Variants in USP40 observed in about 807,000 individuals in gnomAD.
The protein encoded by USP40 is ubiquitin specific peptidase 40.
In USP40, 143 loss-of-function variants were observed where a neutral mutation model predicts 166.2. The ratio of observed to expected loss-of-function variants is 0.86; its 90% CI spans 0.75 to 0.99. The LOEUF (loss-of-function observed/expected upper bound fraction) is 0.99, where lower values mean the gene tolerates loss of function less well. Among genes scored for constraint, USP40 ranks in the 50% least tolerant of loss-of-function variants. The pLI is 0.00. For missense variants in USP40, 1,444 were observed against 1,479.7 expected (o/e 0.98, Z 0.40); for synonymous variants, 498 against 524.0 (o/e 0.95, Z 0.68).
Position 233,493,603 on chromosome 2 carries a change from TCTA to T in USP40, c.2791-55_2791-53del, listed in dbSNP as rs2065488268. The T allele has an allele frequency of 2.6e-6, 4 of 1,527,830 alleles. No individual in the cohort carries two copies. The highest frequency in any genetic ancestry group is 1.3e-5 in the South Asian group (1 of 79,356). 94.6% of individuals were successfully genotyped at this position (1,527,830 alleles called of 1,614,324 possible). A position where few individuals can be genotyped will look rare whatever the true frequency, so the allele number is the denominator to read the frequency against. ...TGTGATTACAAAGATTAAGTGAAACTCTACTTTTACTTCCATAGAAAGAAACAC... is the reference window on the plus strand; with the variant it reads ...TGTGATTACAAAGATTAAGTGAAACTCTTTTACTTCCATAGAAAGAAACAC... On this transcript the variant is annotated intron_variant, in intron 24 of 31. Transcript: ENST00000678225. The surrounding 1 kb of genome is among the most constrained non-coding windows in gnomAD (Gnocchi z 4.7).
At position 233,477,444 on chromosome 2, in the gene USP40, C is replaced by G; in HGVS notation, c.3659G>C (p.Arg1220Pro). ...YILSSAETPARPRAPETSLSI... is the reference protein window; with the variant it reads ...YILSSAETPAPPRAPETSLSI... The stretch of plus-strand genomic sequence containing the variant: ...GAGAGAAGTTTCCGGGGCTCGGGGC[C>G]GGGCAGGCGTCTCTGCACTGGAGAG... Residue 1220 changes from arginine to proline, a missense_variant, in exon 32 of 32, where the codon CGG (arginine) becomes CCG (proline). Transcript: ENST00000678225. The G allele has an allele frequency of 2.5e-6, 4 of 1,613,800 alleles. No homozygotes were observed. Among genetic ancestry groups the G allele is most frequent in the Non-Finnish European group, 3.4e-6 (4 of 1,179,880 alleles).
At position 233,557,515 on chromosome 2, in the gene USP40, C is replaced by T. The variant is rs2071204821; in HGVS notation, c.382-496G>A. On this transcript the variant is annotated intron_variant, in intron 4 of 31. Coordinates refer to ENST00000678225, the MANE Select transcript of USP40 (RefSeq NM_001365479.2). ...TACTGAGAAAAAAATCCTGATGGAA[C>T]TTGCTTTAATCCATTATGAGTCACG... 2.0e-5 allele frequency among the ~76,000 whole-genome samples: 3 copies of T among 152,234 alleles called. No individual in the cohort carries two copies. The South Asian group carries it at 6.2e-4, about 31-fold the overall frequency.
At chr2:233,509,920 T>C in intron 21 of USP40, 129 bp downstream of exon 21, 1 of 629,848 alleles carries the variant, frequency 1.6e-6, no homozygotes, top group Non-Finnish European at 2.8e-6. Flanking sequence ...TGAGTACATA[T>C]AATTCTCTGA....
intron 24 of USP40, among the ~76,000 whole-genome samples, chr2:233,496,016 T>A (rs150447839): frequency 1.6e-4 from 24 of 152,274 alleles, no homozygotes; most frequent in African/African-American, 5.8e-4. Context: ...CAAACAAATA[T>A]GTGTAATGTT....
chr2:233,481,446 T>A, intron 30 of USP40, 149 bp from the exon 31 acceptor site: 1 of 707,648 alleles, frequency 1.4e-6, no homozygotes, highest in Non-Finnish European at 2.3e-6. Flanking sequence ...AAAAAAATCC[T>A]CTTGCTCGAT....
chr2:233,523,327 C>G lies in USP40; in HGVS notation c.2044G>C (p.Ala682Pro). 2 of 1,614,034 alleles carry G rather than the reference C, an allele frequency of 1.2e-6. No homozygotes were observed. Among genetic ancestry groups the G allele is most frequent in the African/African-American group, 1.3e-5 (1 of 75,052 alleles). ...AEVGTVLTAL[A>P]IPAGVIFINS... ...ATGAAGATGACACCTGCTGGGATTG[C>G]TAAGGCTGTGAGGACAGTGCCCACT... is the stretch of plus-strand genomic sequence containing the variant. The change falls in exon 16 of 32, where the codon GCA becomes CCA. Residue 682 changes from alanine to proline, a missense_variant. By Grantham distance (27) the Ala-to-Pro change is conservative (BLOSUM62 -1). Coordinates refer to ENST00000678225, the MANE Select transcript of USP40 (RefSeq NM_001365479.2).
rs575327136 is a variant in USP40 at position 233,482,595 on chromosome 2, G to GT, written c.3505-1299dup. 7.3e-3 allele frequency among the ~76,000 whole-genome samples: 896 copies of GT among 123,178 alleles called. 8 individuals carry two copies. Among genetic ancestry groups the GT allele is most frequent in the East Asian group, 0.071 (301 of 4,236 alleles). The allele number at this position is 123,178 out of a possible 152,430, so 80.8% of individuals were successfully genotyped here. ...GTTCCCACTGGAGTTTTTTTTTTTT[G>GT]TTTTTTTTTTTTTGACACACGGTCT... On this transcript the variant is annotated intron_variant, in intron 30 of 31. Transcript: ENST00000678225.
chr2:233,520,637 A>G (rs188784524), intron 17 of USP40, among the ~76,000 whole-genome samples: 12 of 152,210 alleles, frequency 7.9e-5, no homozygotes, highest in Admixed American at 5.2e-4. Flanking sequence ...ACCAAAACAT[A>G]TGTATACTTG....
At chr2:233,560,910 G>T (rs1464216197) in intron 3 of USP40, 2 of 629,980 alleles carry the variant, frequency 3.2e-6, no homozygotes, top group Admixed American at 5.6e-5. Flanking sequence ...TTCACCAGAA[G>T]AAAGAATAAG....
rs775953964 is a variant in USP40, at chr2:233,485,735, C to G, written c.3408+32G>C. On this transcript the variant is annotated intron_variant, in intron 29 of 31. Coordinates refer to ENST00000678225, the MANE Select transcript of USP40 (RefSeq NM_001365479.2). The stretch of plus-strand genomic sequence containing the variant: ...AACCTCATTGCTATGCCGGTAAGCC[C>G]CAATTTCTCTGAGACAGCCCCACAA... The G allele has an allele frequency of 6.2e-6, 10 of 1,610,176 alleles. No homozygotes were observed. The Admixed American group carries it at 1.7e-4, about 27-fold the overall frequency.
At position 233,512,602 on chromosome 2, in the gene USP40, G is replaced by T; in HGVS notation, c.2404C>A (p.Pro802Thr). 6.3e-7 allele frequency: 1 copy of T among 1,578,770 alleles called. No homozygotes were observed. The highest frequency in any genetic ancestry group is 1.2e-5 in the South Asian group (1 of 84,198). ...AGAAGCTTCCCATTTCTATCAATAG[G>T]TCTCAAACAGCTGTTGTCAGCTATA... is the stretch of plus-strand genomic sequence containing the variant. ...KELADNSCLR[P>T]IDRNGKLLCP... Residue 802 changes from proline to threonine, a missense_variant, in exon 19 of 32, where the codon CCT becomes ACT. Physicochemically the swap from Pro to Thr is conservative, Grantham distance 38. Transcript: ENST00000678225.
rs1007367732 is a variant in USP40 at position 233,559,819 on chromosome 2, T to A, written c.373A>T (p.Ser125Cys). ...ADLTDSFGWT[S>C]NEEMRQHDVQ... ...AGAGCTGATCCTCGTACCTCATTACTGGTCCACCCAAAGCTGTCAGTGAGG... is the reference window on the plus strand; with the variant it reads ...AGAGCTGATCCTCGTACCTCATTACAGGTCCACCCAAAGCTGTCAGTGAGG... The change falls in exon 4 of 32, where the codon AGT becomes TGT. Residue 125 changes from serine (S) to cysteine (C), a missense_variant. Physicochemically the swap from Ser to Cys is moderately radical, Grantham distance 112 (BLOSUM62 -1). Coordinates refer to ENST00000678225, the MANE Select transcript of USP40 (RefSeq NM_001365479.2). The A allele has an allele frequency of 6.2e-7, 1 of 1,606,392 alleles. No individual in the cohort carries two copies. Among genetic ancestry groups the A allele is most frequent in the South Asian group, 1.1e-5 (1 of 88,950 alleles).
At position 233,565,457 on chromosome 2, in the gene USP40, G is replaced by A; in HGVS notation, c.98C>T (p.Ala33Val). Residue 33 changes from alanine to valine, a missense_variant, in exon 2 of 32, where the codon GCT (alanine) becomes GTT (valine). Coordinates refer to ENST00000678225, the MANE Select transcript of USP40 (RefSeq NM_001365479.2). ...GCTTAAATTGGTGAATTCTCTAGGA[G>A]CAGGTGGCTCCAAAGCTTTAGTCTT... The part of the protein sequence containing the change: ...KLKTKALEPP[A>V]PREFTNLSGI... The A allele has an allele frequency of 6.5e-7, 1 of 1,537,268 alleles. No individual in the cohort carries two copies. The highest frequency in any genetic ancestry group is 8.7e-7 in the Non-Finnish European group (1 of 1,146,866).
intron 10 of USP40, among the ~76,000 whole-genome samples, chr2:233,538,482 T>C (rs1231813762): frequency 6.6e-6 from 1 of 151,934 alleles, no homozygotes; most frequent in Non-Finnish European, 1.5e-5. Context: ...ATATCAGAAA[T>C]GAAAAAGGAA....
At chr2:233,536,742 A>G (rs1415763823) in intron 10 of USP40, among the ~76,000 whole-genome samples, 2 of 152,204 alleles carry the variant, frequency 1.3e-5, no homozygotes, top group Non-Finnish European at 2.9e-5. Context: ...CAGTATCTGC[A>G]GTTTCCAAAT....
At chr2:233,536,076 G>C (rs1025745874) in intron 10 of USP40, among the ~76,000 whole-genome samples, 37 of 151,916 alleles carry the variant, frequency 2.4e-4, no homozygotes, top group African/African-American at 8.7e-4. Flanking sequence ...CAAAGAAACA[G>C]GACAATGTTA....
chr2:233,503,742 T>C (rs2066230869), intron 21 of USP40, among the ~76,000 whole-genome samples: 1 of 152,172 alleles, frequency 6.6e-6, no homozygotes, highest in South Asian at 2.1e-4. Context: ...TTATCACCAC[T>C]AGACCAATCT....
chr2:233,503,014 C>T (rs1320104326), intron 21 of USP40, among the ~76,000 whole-genome samples: 2 of 152,114 alleles, frequency 1.3e-5, no homozygotes, highest in African/African-American at 4.8e-5. Context: ...CAGTAAGTCT[C>T]CAGTAACAAA....
At position 233,477,411 on chromosome 2, in the gene USP40, T is replaced by C. The variant is rs2064235500; in HGVS notation, c.3692A>G (p.His1231Arg). 2.5e-6 allele frequency: 4 copies of C among 1,613,550 alleles called. No homozygotes were observed. In the South Asian group the frequency reaches 4.4e-5, roughly 18 times the overall value. The change falls in exon 32 of 32, where the codon CAC becomes CGC. Residue 1231 changes from histidine to arginine, a missense_variant. Physicochemically the swap from His to Arg is conservative, Grantham distance 29 (BLOSUM62 0). Coordinates refer to ENST00000678225, the MANE Select transcript of USP40 (RefSeq NM_001365479.2). The stretch of plus-strand genomic sequence containing the variant: ...GCGCGGTTATCTGAAGCTCCCCACG[T>C]GGATGGAGAGAGAAGTTTCCGGGGC... ...PRAPETSLSI[H>R]VGSFR
Sources: allele counts gnomAD v4.1 joint callset (sites outside exome capture counted in the v4.1 genomes callset), GRCh38; gene constraint gnomAD v4.1.1; non-coding constraint Gnocchi (gnomAD v3.1); transcripts MANE v1.5; gene names NCBI Gene and HGNC (gene_info 2026-07-23, HGNC 2026-07-21).